QRFPR: variants seen among roughly 807,000 people sequenced by gnomAD.
QRFPR encodes the protein pyroglutamylated RF-amide peptide receptor.
A neutral mutation model predicts 31.3 loss-of-function variants in QRFPR; 37 were observed. The observed-to-expected ratio is 1.18, with a 90% CI of 0.91 to 1.56. The LOEUF (loss-of-function observed/expected upper bound fraction) is 1.56, where lower values mean the gene tolerates loss of function less well. Ranked by LOEUF, QRFPR falls within the 40% of genes most tolerant of loss-of-function variation. QRFPR has a pLI of 0.00. For synonymous variants in QRFPR, 197 were observed against 192.0 expected, an observed-to-expected ratio of 1.03 and a Z score of -0.22; for missense variants, 542 against 532.5, an observed-to-expected ratio of 1.02 and a Z score of -0.18.
intron 1 of QRFPR, among the ~76,000 whole-genome samples, chr4:121,365,558 A>ATATATTATATAT (rs1726094435): frequency 9.7e-4 from 5 of 5,164 alleles, no homozygotes; most frequent in African/African-American, 6.0e-3. Flanking sequence ...ATAATATATA[A>ATATATTATATAT]TATATATTAT....
intron 1 of QRFPR, among the ~76,000 whole-genome samples, chr4:121,357,909 T>C (rs1352545966): frequency 6.6e-6 from 1 of 152,178 alleles, no homozygotes; most frequent in Non-Finnish European, 1.5e-5. Context: ...TTATATTCTA[T>C]CTTCTCTTTC....
At chr4:121,378,937 A>G (rs882865) in intron 1 of QRFPR, among the ~76,000 whole-genome samples, 68,395 of 152,050 alleles carry the variant, frequency 0.45, 15,873 homozygotes, top group Middle Eastern at 0.53. Flanking sequence ...TGCTTTCACA[A>G]ACATTTAGAA....
chr4:121,347,429 T>G (rs1175105893), intron 1 of QRFPR, among the ~76,000 whole-genome samples: 4 of 152,136 alleles, frequency 2.6e-5, no homozygotes. Flanking sequence ...GATGGGCTAT[T>G]GGTTCACTTT....
intron 1 of QRFPR, among the ~76,000 whole-genome samples, chr4:121,361,039 A>G (rs993962651): frequency 2.2e-4 from 33 of 152,212 alleles, no homozygotes; most frequent in African/African-American, 7.2e-4. Context: ...AATGACAAAA[A>G]TGCTATGAAA....
chr4:121,359,097 G>C (rs550624247), intron 1 of QRFPR, among the ~76,000 whole-genome samples: 1 of 152,256 alleles, frequency 6.6e-6, no homozygotes, highest in South Asian at 2.1e-4. Flanking sequence ...AATTAGTGTA[G>C]AGAATAGGCC....
At chr4:121,373,150 T>C (rs1053622690) in intron 1 of QRFPR, among the ~76,000 whole-genome samples, 11 of 152,242 alleles carry the variant, frequency 7.2e-5, no homozygotes, top group Non-Finnish European at 8.8e-5. Flanking sequence ...ATAGTTATGT[T>C]TTAGAAAAGC....
chr4:121,365,453 C>T (rs1726073469), intron 1 of QRFPR, among the ~76,000 whole-genome samples: 1 of 26,596 alleles, frequency 3.8e-5, no homozygotes, highest in Non-Finnish European at 8.8e-5. Context: ...GACTCCATCT[C>T]AAAAATAATA....
chr4:121,333,129 T>G (rs55776058), intron 3 of QRFPR, 73 bp from the exon 4 acceptor site: 83,225 of 925,584 alleles, frequency 0.09, 4,185 homozygotes, highest in Non-Finnish European at 0.099. Flanking sequence ...CAAGTATTAT[T>G]GCAACACAAC....
chr4:121,345,490 G>A (rs1725626663), intron 1 of QRFPR, among the ~76,000 whole-genome samples: 1 of 152,098 alleles, frequency 6.6e-6, no homozygotes, highest in Non-Finnish European at 1.5e-5. Context: ...TGGAAGGTAG[G>A]TTTTTTAAAA....
chr4:121,335,986 A>G (rs1417418108), intron 3 of QRFPR, among the ~76,000 whole-genome samples: 1 of 151,336 alleles, frequency 6.6e-6, no homozygotes, highest in Non-Finnish European at 1.5e-5. Context: ...AATTAGTTAC[A>G]TGAAAAAAAT....
intron 1 of QRFPR, among the ~76,000 whole-genome samples, chr4:121,342,008 T>C (rs1255942062): frequency 2.0e-5 from 3 of 152,164 alleles, no homozygotes; most frequent in Non-Finnish European, 4.4e-5. Flanking sequence ...GCTAGCAAAA[T>C]GTACTTCTGG....
At chr4:121,369,676 G>A (rs2110483582) in intron 1 of QRFPR, 3 of 1,579,862 alleles carry the variant, frequency 1.9e-6, no homozygotes, top group East Asian at 2.2e-5. Context: ...GTCCAAAGAG[G>A]CCCCACTTAT....
chr4:121,359,258 T>C (rs1725933029), intron 1 of QRFPR, among the ~76,000 whole-genome samples: 1 of 152,184 alleles, frequency 6.6e-6, no homozygotes. Flanking sequence ...ATGTGATGGT[T>C]AATACTGTCA....
chr4:121,331,906 G>GT (rs1406293024), intron 4 of QRFPR, among the ~76,000 whole-genome samples: 3 of 152,010 alleles, frequency 2.0e-5, no homozygotes, highest in Non-Finnish European at 1.5e-5. Flanking sequence ...ACCCACCTCG[G>GT]CCCCCCAAAT....
intron 1 of QRFPR, among the ~76,000 whole-genome samples, chr4:121,370,516 C>T (rs1194448769): frequency 1.3e-5 from 2 of 152,194 alleles, no homozygotes; most frequent in African/African-American, 4.8e-5. Context: ...ATCCTGCTGC[C>T]GCGGGACTGC....
At chr4:121,349,228 T>G (rs1399444569) in intron 1 of QRFPR, among the ~76,000 whole-genome samples, 1 of 143,638 alleles carries the variant, frequency 7.0e-6, no homozygotes, top group East Asian at 1.9e-4. Flanking sequence ...ACATGTGTCC[T>G]TTTTTTTACT....
In QRFPR at chr4:121,380,800, G is replaced by T. The variant is rs1579597586; in HGVS notation, c.-153C>A. 3.1e-6 allele frequency: 2 copies of T among 654,308 alleles called. No homozygotes were observed. Among genetic ancestry groups the T allele is most frequent in the East Asian group, 5.7e-5 (2 of 35,330 alleles). 40.5% of individuals were successfully genotyped at this position (654,308 alleles called of 1,614,324 possible). On this transcript the variant is annotated 5_prime_UTR_variant, in exon 1 of 6. Transcript: ENST00000394427. Reference sequence around the variant, plus strand: ...GCGGGAGGGCTCTAGGCTGCACCCCGGGAGGTTCGGGAAAGGAGAGCAGCT... The same window carrying T: ...GCGGGAGGGCTCTAGGCTGCACCCCTGGAGGTTCGGGAAAGGAGAGCAGCT...
chr4:121,380,530 G>T lies in QRFPR; in HGVS notation c.118C>A (p.Leu40Met), dbSNP rs35253158. 5 of 1,613,100 alleles carry T rather than the reference G, an allele frequency of 3.1e-6. No individual in the cohort carries two copies. The highest frequency in any genetic ancestry group is 3.3e-5 in the Admixed American group (2 of 59,878). The change falls in exon 1 of 6, where the codon CTG (leucine) becomes ATG (methionine). Residue 40 changes from leucine (L) to methionine (M), a missense_variant. Coordinates refer to ENST00000394427, the MANE Select transcript of QRFPR (RefSeq NM_198179.3). The stretch of plus-strand genomic sequence containing the variant: ...AGGGCCAGCTTGGCGCGTCCCGGCA[G>T]CTCTGGGGTGTAGACGAGCGGTCGC... ...RLRPLVYTPE[L>M]PGRAKLALVL...
At chr4:121,335,255 T>G (rs1725410108) in intron 3 of QRFPR, among the ~76,000 whole-genome samples, 1 of 152,130 alleles carries the variant, frequency 6.6e-6, no homozygotes, top group South Asian at 2.1e-4. Flanking sequence ...TATTTAAAAA[T>G]GGATACATCT....
Sources: allele counts gnomAD v4.1 joint callset (sites outside exome capture counted in the v4.1 genomes callset), GRCh38; gene constraint gnomAD v4.1.1; transcripts MANE v1.5; gene names NCBI Gene and HGNC (gene_info 2026-07-23, HGNC 2026-07-21).